Variants in TIAM2 observed in about 807,000 individuals in gnomAD.
TIAM2 encodes the protein TIAM Rac1 associated GEF 2.
A neutral mutation model predicts 152.9 loss-of-function variants in TIAM2; 80 were observed. The observed-to-expected ratio is 0.52, with a 90% CI of 0.44 to 0.63. The LOEUF (loss-of-function observed/expected upper bound fraction) is 0.63, where lower values mean the gene tolerates loss of function less well. Ranked by LOEUF, TIAM2 falls within the 30% of genes least tolerant of loss-of-function variation. The pLI, the probability that TIAM2 is intolerant of heterozygous loss-of-function variation, is 0.00. For synonymous variants in TIAM2, 804 were observed against 838.0 expected, an observed-to-expected ratio of 0.96 and a Z score of 0.70; for missense variants, 1,965 against 2,120.1, an observed-to-expected ratio of 0.93 and a Z score of 1.44.
At chr6:155,251,798 T>A (rs1021172864) in intron 22 of TIAM2, 147 bp from the exon 23 acceptor site, 34 of 660,512 alleles carry the variant, frequency 5.1e-5, no homozygotes, top group Non-Finnish European at 7.5e-5. Flanking sequence ...GAAAGGGAAG[T>A]ACCATTTATT....
chr6:155,094,724 G>GGTTTTTTT (rs1554229770), intron 2 of TIAM2, among the ~76,000 whole-genome samples: 33 of 136,232 alleles, frequency 2.4e-4, no homozygotes, highest in African/African-American at 8.7e-4. Context: ...TATATCTATG[G>GGTTTTTTT]TTTTTTTTTT....
At chr6:155,044,118 C>T (rs1158511697) in intron 1 of TIAM2, among the ~76,000 whole-genome samples, 1 of 152,164 alleles carries the variant, frequency 6.6e-6, no homozygotes, top group Non-Finnish European at 1.5e-5. Context: ...GTTTGTATGA[C>T]TCTTCCTGCC....
chr6:155,027,434 TATATA>T (rs1479379599), intron 1 of TIAM2, among the ~76,000 whole-genome samples: 1 of 89,792 alleles, frequency 1.1e-5, no homozygotes, highest in East Asian at 2.6e-4. Flanking sequence ...ATATATACTA[TATATA>T]ATATATATAC....
chr6:155,027,536 TATA>T (rs1452242331), intron 1 of TIAM2, among the ~76,000 whole-genome samples: 1 of 100,572 alleles, frequency 9.9e-6, no homozygotes, highest in Non-Finnish European at 2.0e-5. Flanking sequence ...ATATACTATA[TATA>T]ATATATATAC....
At chr6:155,104,588 T>G (rs1011900770) in intron 2 of TIAM2, among the ~76,000 whole-genome samples, 4 of 152,090 alleles carry the variant, frequency 2.6e-5, no homozygotes, top group African/African-American at 9.6e-5. Context: ...AAACCCCGTC[T>G]CTACTAAAAA....
chr6:155,191,223 C>T (rs896456950), intron 14 of TIAM2, among the ~76,000 whole-genome samples: 2 of 152,198 alleles, frequency 1.3e-5, no homozygotes, highest in Admixed American at 1.3e-4. Flanking sequence ...CTGGCTCCAG[C>T]CTCTCCTACT....
rs547178728 is a variant in TIAM2, at chr6:155,230,181, T to G, written c.3169-10349T>G. Among the ~76,000 whole-genome samples, 8 of 152,178 alleles carry G rather than the reference T, an allele frequency of 5.3e-5. No individual in the cohort carries two copies. The East Asian group carries it at 1.6e-3, about 29-fold the overall frequency. On this transcript the variant is annotated intron_variant, in intron 15 of 26. Coordinates refer to ENST00000682666, the MANE Select transcript of TIAM2 (RefSeq NM_012454.4). Reference sequence around the variant, plus strand: ...TGAACTCACCTCCAGGTGGGTCTCCTCCACCCACTCCTGCTCTCCCCTGAG... The same window carrying G: ...TGAACTCACCTCCAGGTGGGTCTCCGCCACCCACTCCTGCTCTCCCCTGAG...
At chr6:155,078,274 G>A (rs966618385) in intron 1 of TIAM2, among the ~76,000 whole-genome samples, 1 of 152,078 alleles carries the variant, frequency 6.6e-6, no homozygotes, top group African/African-American at 2.4e-5. Context: ...ATGAACTCCT[G>A]GACTCAAGTG....
At chr6:155,082,432 C>T (rs1778083804) in intron 1 of TIAM2, among the ~76,000 whole-genome samples, 1 of 152,048 alleles carries the variant, frequency 6.6e-6, no homozygotes, top group South Asian at 2.1e-4. Context: ...GGGTGGATTA[C>T]CTGAGGTCGG....
At chr6:155,143,535 T>C (rs1779758010) in intron 5 of TIAM2, among the ~76,000 whole-genome samples, 1 of 152,188 alleles carries the variant, frequency 6.6e-6, no homozygotes, top group Admixed American at 6.5e-5. Flanking sequence ...TAAAAGGAAA[T>C]ACTAAAAATT....
At position 155,211,225 on chromosome 6, in the gene TIAM2, T is replaced by C. The variant is rs143099753; in HGVS notation, c.3086T>C (p.Ile1029Thr). 5.1e-4 allele frequency: 821 copies of C among 1,613,506 alleles called. 3 individuals carry two copies. Among genetic ancestry groups the C allele is most frequent in the South Asian group, 3.6e-3 (324 of 91,066 alleles). ...GCAGATTTCAGCAACGTCCCTGATA[T>C]CACAACAGGTCTGAAAAGGAGTCAG... The part of the protein sequence containing the change: ...TANDFSNVPD[I>T]TTGLKRSQTD... Residue 1029 changes from isoleucine to threonine, a missense_variant, in exon 15 of 27, where the codon ATC becomes ACC. By Grantham distance (89) the Ile-to-Thr change is moderately conservative (BLOSUM62 -1). Transcript: ENST00000682666.
At chr6:155,152,634 G>A (rs1361106035) in intron 7 of TIAM2, among the ~76,000 whole-genome samples, 1 of 152,148 alleles carries the variant, frequency 6.6e-6, no homozygotes, top group Non-Finnish European at 1.5e-5. Flanking sequence ...TTGTGGATCC[G>A]AGTGTCTCAG....
At chr6:155,193,171 G>A (rs1159066998) in intron 14 of TIAM2, among the ~76,000 whole-genome samples, 4 of 152,130 alleles carry the variant, frequency 2.6e-5, no homozygotes, top group South Asian at 2.1e-4. Context: ...TTGGGAGGCC[G>A]AGGTGGGAGG....
intron 1 of TIAM2, among the ~76,000 whole-genome samples, chr6:155,087,536 C>T (rs1778198795): frequency 1.3e-5 from 2 of 151,970 alleles, no homozygotes; most frequent in South Asian, 4.2e-4. Context: ...ATCACTTGAG[C>T]TCAGGAGTTC....
At chr6:155,036,532 A>G (rs1427782413) in intron 1 of TIAM2, among the ~76,000 whole-genome samples, 1 of 151,504 alleles carries the variant, frequency 6.6e-6, no homozygotes, top group Non-Finnish European at 1.5e-5. Flanking sequence ...AAAAAAAAAA[A>G]AGAGTGTGTT....
chr6:155,053,505 C>G (rs1281218918), intron 1 of TIAM2, among the ~76,000 whole-genome samples: 1 of 139,354 alleles, frequency 7.2e-6, no homozygotes. Flanking sequence ...AGAGTCTTGC[C>G]CCGTCGTCCA....
chr6:155,177,260 T>C (rs1011451374), intron 10 of TIAM2, among the ~76,000 whole-genome samples: 3 of 152,226 alleles, frequency 2.0e-5, no homozygotes, highest in African/African-American at 7.2e-5. Context: ...TCTAGAATAA[T>C]TATGAAATCC....
intron 7 of TIAM2, among the ~76,000 whole-genome samples, chr6:155,162,004 C>A (rs774871567): frequency 6.6e-6 from 1 of 152,212 alleles, no homozygotes; most frequent in Non-Finnish European, 1.5e-5. Flanking sequence ...GTCACCCAGG[C>A]TGGACTGCAA....
intron 1 of TIAM2, among the ~76,000 whole-genome samples, chr6:155,012,574 G>A (rs779109413): frequency 9.9e-5 from 15 of 151,710 alleles, no homozygotes; most frequent in Non-Finnish European, 2.2e-4. Context: ...TTTTTGAGAC[G>A]GAGTCTCACT....
Sources: gnomAD v4.1 joint callset for allele counts (sites outside exome capture counted in the v4.1 genomes callset) on GRCh38, gnomAD v4.1.1 for gene constraint, MANE v1.5 for transcripts, NCBI Gene and HGNC (gene_info 2026-07-23, HGNC 2026-07-21) for gene names.